Variants in ZNF782 observed in about 807,000 individuals in gnomAD.
ZNF782 encodes zinc finger protein 782.
Under a neutral mutation model 13.0 loss-of-function variants are expected in ZNF782, and 12 were observed. The ratio of observed to expected loss-of-function variants is 0.92; its 90% CI spans 0.59 to 1.50. The LOEUF is 1.50. ZNF782 is among the 40% of genes most tolerant of loss of function. ZNF782 has a pLI of 0.00. For missense variants in ZNF782, 770 were observed against 822.9 expected, an observed-to-expected ratio of 0.94 and a Z score of 0.79; for synonymous variants, 284 against 283.0, an observed-to-expected ratio of 1.00 and a Z score of -0.04.
the ZNF782 span, among the ~76,000 whole-genome samples, chr9:96,896,414 A>C: frequency 1.3e-5 from 2 of 152,210 alleles, no homozygotes; most frequent in South Asian, 2.1e-4. Context: ...TGGAAGCAGT[A>C]AGAAGTAGCA....
rs1851548805 is a variant in ZNF782 at position 96,853,064 on chromosome 9, T to C, written c.-256A>G. The stretch of plus-strand genomic sequence containing the variant: ...AGTGTCACATATGTTAACAGCAGTA[T>C]GGCATCTGTAAAGAGTGGAGAACAA... On this transcript the variant is annotated 5_prime_UTR_variant, in exon 2 of 6. Transcript: ENST00000481138. 6.6e-6 allele frequency: 1 copy of C among 152,184 alleles called. No individual in the cohort carries two copies. The highest frequency in any genetic ancestry group is 1.5e-5 in the Non-Finnish European group (1 of 68,046). The allele number at this position is 152,184 out of a possible 1,614,324, so 9.4% of individuals were successfully genotyped here.
the ZNF782 span, among the ~76,000 whole-genome samples, chr9:96,915,702 C>T: frequency 6.6e-6 from 1 of 151,440 alleles, no homozygotes; most frequent in Admixed American, 6.6e-5. Context: ...CCATATATCC[C>T]CCCAGTTCTC....
At chr9:96,927,044 T>C in the ZNF782 span, among the ~76,000 whole-genome samples, 2 of 152,094 alleles carry the variant, frequency 1.3e-5, no homozygotes, top group South Asian at 2.1e-4. Context: ...ACACAGAACA[T>C]GAGTGCTCTT....
intron 1 of ZNF782, among the ~76,000 whole-genome samples, chr9:96,853,797 C>T (rs1428640666): frequency 6.6e-6 from 1 of 152,222 alleles, no homozygotes; most frequent in Non-Finnish European, 1.5e-5. Flanking sequence ...CCAGCTCCCT[C>T]ACTGCTAGCT....
chr9:96,929,196 CCT>C, the ZNF782 span, among the ~76,000 whole-genome samples: 2 of 152,154 alleles, frequency 1.3e-5, no homozygotes, highest in African/African-American at 4.8e-5. Flanking sequence ...GCCATGGCAC[CCT>C]GAGTCTGTGG....
rs1366207839 is a variant in ZNF782, at chr9:96,816,637, CCTTGTAACAAG to C, written c.*1275_*1285del. 1.3e-5 allele frequency: 2 copies of C among 152,130 alleles called. No homozygotes were observed. Among genetic ancestry groups the C allele is most frequent in the Non-Finnish European group, 2.9e-5 (2 of 68,026 alleles). 9.4% of individuals were successfully genotyped at this position (152,130 alleles called of 1,614,324 possible). ...CCTTTCTCAAATTGATAGATTTTCT[CCTTGTAACAAG>C]CTCTGATATAAAATATGATAATTTG... On this transcript the variant is annotated 3_prime_UTR_variant, in exon 6 of 6. Transcript: ENST00000481138.
At chr9:96,931,325 G>A in the ZNF782 span, among the ~76,000 whole-genome samples, 6 of 151,580 alleles carry the variant, frequency 4.0e-5, no homozygotes, top group East Asian at 5.9e-4. Flanking sequence ...TCTGAATGCC[G>A]AGCACTGCCC....
At chr9:96,890,951 G>A in the ZNF782 span, 1 of 152,150 alleles carries the variant, frequency 6.6e-6, no homozygotes, top group Non-Finnish European at 1.5e-5. Context: ...TACTCCACCT[G>A]AAAAAACAAG....
At chr9:96,895,288 T>G in the ZNF782 span, 1 of 152,204 alleles carries the variant, frequency 6.6e-6, no homozygotes, top group African/African-American at 2.4e-5. Flanking sequence ...AAGTCCGATT[T>G]ACAGAGACTT....
the ZNF782 span, among the ~76,000 whole-genome samples, chr9:96,901,824 G>A: frequency 3.6e-5 from 5 of 137,882 alleles, no homozygotes; most frequent in African/African-American, 8.2e-5. Flanking sequence ...AGGTTGCAGT[G>A]ACCAAGATCG....
At chr9:96,897,940 C>T in the ZNF782 span, 2 of 151,408 alleles carry the variant, frequency 1.3e-5, no homozygotes, top group Non-Finnish European at 2.9e-5. Context: ...CAAACCTGAG[C>T]TTCAGATAAG....
chr9:96,929,822 G>A, the ZNF782 span, among the ~76,000 whole-genome samples: 1 of 152,010 alleles, frequency 6.6e-6, no homozygotes, highest in Non-Finnish European at 1.5e-5. Context: ...TTACTGTGGA[G>A]GTGAAGAATT....
chr9:96,841,466 A>T (rs1338487807), intron 4 of ZNF782, among the ~76,000 whole-genome samples: 2 of 151,936 alleles, frequency 1.3e-5, no homozygotes, highest in Non-Finnish European at 2.9e-5. Context: ...ATAAATGCAA[A>T]ACTACTTAAC....
At chr9:96,854,808 C>T (rs954010994), upstream of ZNF782, among the ~76,000 whole-genome samples, 16 of 151,464 alleles carry the variant, frequency 1.1e-4, no homozygotes, top group African/African-American at 3.2e-4. Flanking sequence ...GTAAGACTTT[C>T]GGAGACAATT....
chr9:96,893,653 G>C, the ZNF782 span: 2 of 151,858 alleles, frequency 1.3e-5, no homozygotes, highest in Admixed American at 1.3e-4. Context: ...TGATAGACTG[G>C]ATTAAGAAAA....
the ZNF782 span, among the ~76,000 whole-genome samples, chr9:96,881,988 AGTGTGT>A: frequency 3.7e-3 from 546 of 148,366 alleles, 5 homozygotes; most frequent in Middle Eastern, 0.017. Flanking sequence ...TGGAAGTATG[AGTGTGT>A]GTGTGTGTGT....
chr9:96,848,352 T>C (rs546123253), intron 3 of ZNF782, among the ~76,000 whole-genome samples: 6 of 152,252 alleles, frequency 3.9e-5, no homozygotes, highest in South Asian at 2.1e-4. Context: ...GGCATCCAAA[T>C]TGGAAAAGAA....
chr9:96,863,972 A>G lies in ZNF782; in HGVS notation c.-456-2369T>C, dbSNP rs551497373. The stretch of plus-strand genomic sequence containing the variant: ...TAAATCATCCCTAAACAACTTATCC[A>G]TGTAAGCAAAAACCACCTGTACCTC... On this transcript the variant is annotated intron_variant, in intron 1 of 5. Coordinates refer to the ZNF782 transcript ENST00000498811. Among the ~76,000 whole-genome samples, 11 of 152,224 alleles carry G rather than the reference A, an allele frequency of 7.2e-5. No homozygotes were observed. In the East Asian group the frequency reaches 1.5e-3, roughly 21 times the overall value.
the ZNF782 span, among the ~76,000 whole-genome samples, chr9:96,919,848 C>T: frequency 1.1e-4 from 17 of 151,112 alleles, no homozygotes; most frequent in African/African-American, 4.1e-4. Context: ...GCATGCGCCA[C>T]TACACCCAGC....
Sources: allele counts gnomAD v4.1 joint callset (sites outside exome capture counted in the v4.1 genomes callset), GRCh38; gene constraint gnomAD v4.1.1; transcripts MANE v1.5; gene names NCBI Gene and HGNC (gene_info 2026-07-23, HGNC 2026-07-21).